The following EXOC4 variants were observed in gnomAD, a reference collection of about 807,000 sequenced individuals.
The protein encoded by EXOC4 is exocyst complex component 4.
In EXOC4, 71 loss-of-function variants were observed where a neutral mutation model predicts 107.2. That is an observed-to-expected ratio of 0.66 (90% CI 0.55 to 0.81). EXOC4 has a LOEUF of 0.81. Ranked by LOEUF, EXOC4 falls within the 30% of genes least tolerant of loss-of-function variation. The pLI is 0.00. For synonymous variants in EXOC4, 456 were observed against 441.2 expected (o/e 1.03, Z -0.42); for missense variants, 1,108 against 1,189.6 (o/e 0.93, Z 1.01).
rs774395151 is a variant in EXOC4, at chr7:133,787,955, T to TTTTATATATATATATATATA, written c.1515-29369_1515-29368insTTATATATATATATATATAT. ...AGATACTTCTTCCCTGTGCATATAT[T>TTTTATATATATATATATATA]TATATATTTATATATATATATATAT... On this transcript the variant is annotated intron_variant, in intron 10 of 17. Transcript: ENST00000253861. 1.6e-4 allele frequency among the ~76,000 whole-genome samples: 5 copies of TTTTATATATATATATATATA among 31,640 alleles called. 2 individuals carry two copies. The highest frequency in any genetic ancestry group is 3.1e-4 in the Non-Finnish European group (5 of 16,296). The allele number at this position is 31,640 out of a possible 152,430, so 20.8% of individuals were successfully genotyped here.
chr7:133,328,313 A>G (rs1452951530), intron 5 of EXOC4, among the ~76,000 whole-genome samples: 2 of 151,574 alleles, frequency 1.3e-5, no homozygotes, highest in African/African-American at 2.4e-5. Context: ...ATTTGAGCCT[A>G]TGTGTGTCTT....
intron 10 of EXOC4, among the ~76,000 whole-genome samples, chr7:133,693,049 A>C (rs1462290149): frequency 6.6e-6 from 1 of 152,144 alleles, no homozygotes; most frequent in African/African-American, 2.4e-5. Context: ...AACTGATAGG[A>C]TAGATGTATA....
intron 14 of EXOC4, among the ~76,000 whole-genome samples, chr7:133,953,520 G>T (rs1800742625): frequency 6.6e-6 from 1 of 151,990 alleles, no homozygotes; most frequent in Non-Finnish European, 1.5e-5. Context: ...GCATGGTCAT[G>T]TACACATGTG....
intron 4 of EXOC4, among the ~76,000 whole-genome samples, chr7:133,316,352 G>A (rs1265018281): frequency 1.3e-5 from 2 of 152,038 alleles, no homozygotes; most frequent in East Asian, 1.9e-4. Context: ...TCTAGCCACT[G>A]CTACTGATGA....
intron 14 of EXOC4, among the ~76,000 whole-genome samples, chr7:133,993,267 G>A (rs1794304060): frequency 6.6e-6 from 1 of 152,014 alleles, no homozygotes; most frequent in Non-Finnish European, 1.5e-5. Flanking sequence ...ATGTTCTTTT[G>A]TTTTCCTGTC....
chr7:133,588,295 A>T (rs1801453899), intron 9 of EXOC4, among the ~76,000 whole-genome samples: 1 of 152,196 alleles, frequency 6.6e-6, no homozygotes. Context: ...ACACAAAATG[A>T]ATGATTTTCT....
At chr7:133,417,750 A>G (rs1797511721) in intron 7 of EXOC4, among the ~76,000 whole-genome samples, 1 of 152,084 alleles carries the variant, frequency 6.6e-6, no homozygotes, top group Non-Finnish European at 1.5e-5. Context: ...TTTAGTCACC[A>G]TGGTTTTTTT....
chr7:133,322,864 T>C (rs1795146839), intron 5 of EXOC4, among the ~76,000 whole-genome samples: 2 of 151,930 alleles, frequency 1.3e-5, no homozygotes, highest in Admixed American at 6.6e-5. Flanking sequence ...TGGAATGTTT[T>C]TCCGTTTGTG....
chr7:133,351,977 G>A (rs536971661), intron 5 of EXOC4, among the ~76,000 whole-genome samples: 7 of 151,972 alleles, frequency 4.6e-5, no homozygotes, highest in African/African-American at 1.2e-4. Flanking sequence ...ACATAAGTTT[G>A]TGTATTTTCC....
chr7:133,420,913 G>A (rs1018000875), intron 7 of EXOC4, among the ~76,000 whole-genome samples: 1 of 150,554 alleles, frequency 6.6e-6, no homozygotes, highest in African/African-American at 2.4e-5. Flanking sequence ...TTTCACTTTT[G>A]TAGTGCTGTT....
chr7:133,340,525 G>T (rs1795637174), intron 5 of EXOC4, among the ~76,000 whole-genome samples: 1 of 151,586 alleles, frequency 6.6e-6, no homozygotes, highest in Non-Finnish European at 1.5e-5. Context: ...TGGTAATAGG[G>T]TGATACTGGC....
At chr7:133,533,543 T>C (rs1220077851) in intron 9 of EXOC4, among the ~76,000 whole-genome samples, 2 of 152,098 alleles carry the variant, frequency 1.3e-5, no homozygotes, top group East Asian at 1.9e-4. Context: ...TAATGGACTT[T>C]AGTGTTTTTA....
At chr7:134,019,850 T>A (rs1794989738) in intron 17 of EXOC4, among the ~76,000 whole-genome samples, 1 of 152,242 alleles carries the variant, frequency 6.6e-6, no homozygotes, top group South Asian at 2.1e-4. Flanking sequence ...CCCCCTTGAT[T>A]TCCACTGAGC....
chr7:133,823,862 TATATATATATTA>T lies in EXOC4; in HGVS notation c.1734+6319_1734+6330del, dbSNP rs1162539245. Among the ~76,000 whole-genome samples, 16 of 22,394 alleles carry T rather than the reference TATATATATATTA, an allele frequency of 7.1e-4. 1 individual carries two copies. The highest frequency in any genetic ancestry group is 1.1e-3 in the Admixed American group (2 of 1,846). 14.7% of individuals were successfully genotyped at this position (22,394 alleles called of 152,430 possible). A position where few individuals can be genotyped will look rare whatever the true frequency, so the allele number is the denominator to read the frequency against. On this transcript the variant is annotated intron_variant, in intron 11 of 17. Transcript: ENST00000253861. ...TATATATTATATATATATATATATA[TATATATATATTA>T]TATATATATATATATATATTTTATA...
intron 7 of EXOC4, among the ~76,000 whole-genome samples, chr7:133,475,118 C>T (rs896890134): frequency 3.9e-5 from 6 of 152,228 alleles, no homozygotes; most frequent in East Asian, 3.9e-4. Context: ...ATGCCCACCC[C>T]GCCTCTTCCC....
intron 17 of EXOC4, among the ~76,000 whole-genome samples, chr7:134,025,312 G>C (rs1285194895): frequency 6.6e-6 from 1 of 152,054 alleles, no homozygotes; most frequent in Non-Finnish European, 1.5e-5. Flanking sequence ...TCTATCAAGA[G>C]TTTTTATTTT....
At chr7:133,823,861 A>AT (rs1554405823) in intron 11 of EXOC4, among the ~76,000 whole-genome samples, 3 of 17,334 alleles carry the variant, frequency 1.7e-4, no homozygotes, top group Admixed American at 1.2e-3. Context: ...ATATATATAT[A>AT]TATATATATA....
At chr7:133,400,400 A>T (rs2150730403) in intron 7 of EXOC4, among the ~76,000 whole-genome samples, 1 of 152,252 alleles carries the variant, frequency 6.6e-6, no homozygotes, top group East Asian at 1.9e-4. Flanking sequence ...CCCTCTGCCC[A>T]CCTGATGTTA....
intron 11 of EXOC4, among the ~76,000 whole-genome samples, chr7:133,845,654 T>G (rs1182178388): frequency 6.6e-6 from 1 of 152,108 alleles, no homozygotes; most frequent in East Asian, 1.9e-4. Flanking sequence ...CATGGGCATC[T>G]CACTCTCAGC....
Sources: allele counts gnomAD v4.1 joint callset (sites outside exome capture counted in the v4.1 genomes callset), GRCh38; gene constraint gnomAD v4.1.1; transcripts MANE v1.5; gene names NCBI Gene and HGNC (gene_info 2026-07-23, HGNC 2026-07-21).